HDAC9: variants seen among roughly 807,000 people sequenced by gnomAD.
HDAC9 encodes MEF-2 interacting transcription repressor (MITR) protein.
HDAC9 carries 41 observed loss-of-function variants against 139.4 expected under a neutral mutation model. That is an observed-to-expected ratio of 0.29 (90% CI 0.23 to 0.38). The LOEUF is 0.38. Among genes scored for constraint, HDAC9 ranks in the 10% least tolerant of loss-of-function variants. HDAC9 has a pLI of 1.00. For missense variants in HDAC9, 1,147 were observed against 1,297.0 expected, an observed-to-expected ratio of 0.88 and a Z score of 1.78; for synonymous variants, 517 against 476.2, an observed-to-expected ratio of 1.09 and a Z score of -1.12.
intron 2 of HDAC9, among the ~76,000 whole-genome samples, chr7:18,501,610 GTTC>G (rs1418009986): frequency 6.6e-6 from 1 of 152,014 alleles, no homozygotes; most frequent in Non-Finnish European, 1.5e-5. Flanking sequence ...TCAGTGATAT[GTTC>G]TTATTTTTAT....
chr7:18,730,247 A>C (rs527667513), intron 13 of HDAC9, among the ~76,000 whole-genome samples: 87 of 152,316 alleles, frequency 5.7e-4, no homozygotes, highest in Non-Finnish European at 1.1e-3. Flanking sequence ...GCTATTCCAC[A>C]TATTGCTCTG....
intron 22 of HDAC9, among the ~76,000 whole-genome samples, chr7:18,882,084 A>G (rs941554939): frequency 6.6e-6 from 1 of 152,138 alleles, no homozygotes; most frequent in Non-Finnish European, 1.5e-5. Flanking sequence ...AACATAGTCT[A>G]AATAGCATTT....
chr7:18,239,734 G>A (rs1209001013), intron 2 of HDAC9, among the ~76,000 whole-genome samples: 5 of 152,164 alleles, frequency 3.3e-5, no homozygotes, highest in African/African-American at 1.2e-4. Flanking sequence ...AATGGGCTCA[G>A]TTTCAAATAT....
At chr7:18,663,351 C>G (rs1368068775) in intron 11 of HDAC9, among the ~76,000 whole-genome samples, 1 of 151,972 alleles carries the variant, frequency 6.6e-6, no homozygotes, top group Non-Finnish European at 1.5e-5. Context: ...ACAGAAGAGT[C>G]TTTTTACTTG....
chr7:18,844,061 G>A (rs145623348), intron 21 of HDAC9, among the ~76,000 whole-genome samples: 52 of 152,234 alleles, frequency 3.4e-4, no homozygotes, highest in African/African-American at 1.2e-3. Context: ...TCATCCCAAT[G>A]ATTTGGTGTC....
chr7:18,414,299 T>C (rs1483276229), intron 1 of HDAC9, among the ~76,000 whole-genome samples: 3 of 152,104 alleles, frequency 2.0e-5, no homozygotes, highest in Non-Finnish European at 2.9e-5. Context: ...TATTACCTGA[T>C]GTCCATTAAA....
In HDAC9 at chr7:18,110,674, A is replaced by G. The variant is rs542257520; in HGVS notation, c.-97+23461A>G. Among the ~76,000 whole-genome samples the G allele has an allele frequency of 7.2e-5, 11 of 152,254 alleles. No individual in the cohort carries two copies. The South Asian group carries it at 2.3e-3, about 32-fold the overall frequency. On this transcript the variant is annotated intron_variant, in intron 1 of 12. Coordinates refer to the HDAC9 transcript ENST00000417496. ...TAGAGCACACCTGATAGATTATTAG[A>G]CAGAGATGGCCATAGTCACAATTTT...
At chr7:18,450,520 G>T (rs1160597497) in intron 1 of HDAC9, among the ~76,000 whole-genome samples, 1 of 152,048 alleles carries the variant, frequency 6.6e-6, no homozygotes, top group African/African-American at 2.4e-5. Flanking sequence ...CTGGTTACAG[G>T]GCAGACACTT....
At chr7:18,246,513 C>T (rs1246345030) in intron 2 of HDAC9, among the ~76,000 whole-genome samples, 2 of 152,092 alleles carry the variant, frequency 1.3e-5, no homozygotes, top group Non-Finnish European at 2.9e-5. Context: ...GTCACCCCCC[C>T]ATTCCCACCT....
At chr7:18,465,265 A>C (rs1475612197) in intron 1 of HDAC9, among the ~76,000 whole-genome samples, 1 of 151,958 alleles carries the variant, frequency 6.6e-6, no homozygotes, top group Non-Finnish European at 1.5e-5. Context: ...ATATTTCTAA[A>C]GATTCCCATT....
intron 2 of HDAC9, among the ~76,000 whole-genome samples, chr7:18,174,479 G>T (rs1272678424): frequency 6.6e-6 from 1 of 152,214 alleles, no homozygotes; most frequent in Non-Finnish European, 1.5e-5. Context: ...TCTCCGTCCA[G>T]CTTTGTTCCA....
intron 2 of HDAC9, among the ~76,000 whole-genome samples, chr7:18,564,260 G>C (rs943479600): frequency 9.9e-5 from 15 of 152,104 alleles, no homozygotes; most frequent in African/African-American, 3.4e-4. Context: ...AATTGTCCAT[G>C]GCTATAAATT....
intron 2 of HDAC9, among the ~76,000 whole-genome samples, chr7:18,281,499 T>TA (rs1797103831): frequency 6.6e-6 from 1 of 152,210 alleles, no homozygotes; most frequent in Non-Finnish European, 1.5e-5. Flanking sequence ...CTTTAATTGA[T>TA]TCTCTTTCCA....
At chr7:18,343,758 G>A (rs940298661) in intron 1 of HDAC9, among the ~76,000 whole-genome samples, 7 of 151,720 alleles carry the variant, frequency 4.6e-5, no homozygotes, top group African/African-American at 1.7e-4. Context: ...GATTTTATGG[G>A]TACTGAACTG....
At position 18,206,032 on chromosome 7, in the gene HDAC9, T is replaced by A. The variant is rs940239399; in HGVS notation, c.25+43683T>A. 1.6e-4 allele frequency among the ~76,000 whole-genome samples: 25 copies of A among 152,250 alleles called. No homozygotes were observed. The East Asian group carries it at 4.8e-3, about 29-fold the overall frequency. On this transcript the variant is annotated intron_variant, in intron 2 of 12. Coordinates refer to the HDAC9 transcript ENST00000417496. ...AGATTTTTTTAATAGTAACTTTTAA[T>A]AGTTAAAATTTTGAATAGTTGCTTT...
chr7:18,743,649 T>C (rs1338007559), intron 13 of HDAC9, among the ~76,000 whole-genome samples: 2 of 150,962 alleles, frequency 1.3e-5, no homozygotes, highest in African/African-American at 4.8e-5. Context: ...TAAACTGCAC[T>C]TCAGCCTAGG....
chr7:18,733,652 T>C (rs966398995), intron 13 of HDAC9, among the ~76,000 whole-genome samples: 1 of 151,742 alleles, frequency 6.6e-6, no homozygotes, highest in Non-Finnish European at 1.5e-5. Flanking sequence ...AGTTATATAA[T>C]ACATATTATT....
intron 21 of HDAC9, among the ~76,000 whole-genome samples, chr7:18,846,546 G>GTA (rs1011514516): frequency 6.6e-6 from 1 of 152,168 alleles, no homozygotes; most frequent in African/African-American, 2.4e-5. Flanking sequence ...ATCAGAAACA[G>GTA]TATACACGTT....
At chr7:18,871,442 C>T (rs975637462) in intron 21 of HDAC9, among the ~76,000 whole-genome samples, 4 of 152,056 alleles carry the variant, frequency 2.6e-5, no homozygotes, top group African/African-American at 7.2e-5. Context: ...ACTGGGGTGC[C>T]ATTGCTTTTA....
Sources: allele counts gnomAD v4.1 joint callset (sites outside exome capture counted in the v4.1 genomes callset), GRCh38; gene constraint gnomAD v4.1.1; transcripts MANE v1.5; gene names NCBI Gene and HGNC (gene_info 2026-07-23, HGNC 2026-07-21).